Variants in PPP2R5E observed in about 807,000 individuals in gnomAD.
PPP2R5E encodes serine/threonine-protein phosphatase 2A 56 kDa regulatory subunit epsilon isoform.
In PPP2R5E, 4 loss-of-function variants were observed where a neutral mutation model predicts 65.3. The observed-to-expected ratio is 0.06, with a 90% CI of 0.03 to 0.14. The LOEUF (loss-of-function observed/expected upper bound fraction) is 0.14, where lower values mean the gene tolerates loss of function less well. Ranked by LOEUF, PPP2R5E falls within the 10% of genes least tolerant of loss-of-function variation. The probability of loss-of-function intolerance (pLI) is 1.00; values close to 1 mark genes in which losing one functional copy is unlikely to be tolerated. For missense variants in PPP2R5E, 274 were observed against 556.1 expected, an observed-to-expected ratio of 0.49 and a Z score of 5.10; for synonymous variants, 183 against 187.4, an observed-to-expected ratio of 0.98 and a Z score of 0.19.
rs182464337 is a variant in PPP2R5E at position 63,393,015 on chromosome 14, T to A, written c.849+805A>T. Among the ~76,000 whole-genome samples the A allele has an allele frequency of 4.3e-3, 651 of 151,384 alleles. 2 individuals are homozygous for A. The highest frequency in any genetic ancestry group is 7.1e-3 in the Non-Finnish European group (479 of 67,860). The stretch of plus-strand genomic sequence containing the variant: ...ATGAAGGCTTAAAGGAAAAAAAAAA[T>A]GTGAAAATACTGATTGATTTGTTTA... On this transcript the variant is annotated intron_variant, in intron 8 of 13. Coordinates refer to ENST00000337537, the MANE Select transcript of PPP2R5E (RefSeq NM_006246.5).
intron 2 of PPP2R5E, among the ~76,000 whole-genome samples, chr14:63,509,162 T>C (rs1471620844): frequency 3.3e-5 from 5 of 151,958 alleles, no homozygotes; most frequent in Non-Finnish European, 7.4e-5. Flanking sequence ...AGACTGCAAA[T>C]ATTTCCATTA....
In PPP2R5E at chr14:63,453,745, T is replaced by G; in HGVS notation, c.298A>C (p.Ile100Leu). ...RSTLNELVDY[I>L]TISRGCLTEQ... is the part of the protein sequence containing the mutation. ...GTCAAACAGCCTCTGCTTATTGTAA[T>G]GTAGTCCACCAGTTCATTAAGAGTG... Residue 100 changes from isoleucine (I) to leucine (L), a missense_variant, in exon 3 of 14, where the codon ATT becomes CTT. Coordinates refer to ENST00000337537, the MANE Select transcript of PPP2R5E (RefSeq NM_006246.5). 1 of 1,613,902 alleles carries G rather than the reference T, an allele frequency of 6.2e-7. No homozygotes were observed. Among genetic ancestry groups the G allele is most frequent in the Admixed American group, 1.7e-5 (1 of 59,936 alleles).
At chr14:63,457,796 C>T (rs1296468109) in intron 2 of PPP2R5E, among the ~76,000 whole-genome samples, 2 of 151,824 alleles carry the variant, frequency 1.3e-5, no homozygotes, top group Non-Finnish European at 2.9e-5. Context: ...ATAATTGATC[C>T]CATTATCACA....
chr14:63,439,354 GT>G (rs529162433), intron 3 of PPP2R5E, among the ~76,000 whole-genome samples: 64 of 142,868 alleles, frequency 4.5e-4, no homozygotes, highest in South Asian at 1.6e-3. Context: ...GTCCTGGTCT[GT>G]TTTTTTTTTT....
chr14:63,507,753 AT>A (rs370376968), intron 2 of PPP2R5E, among the ~76,000 whole-genome samples: 20,403 of 151,516 alleles, frequency 0.13, 1,497 homozygotes, highest in African/African-American at 0.17. Context: ...AATTTTTTGT[AT>A]TTTTTAGTAG....
At chr14:63,397,939 G>A (rs1352448157) in intron 5 of PPP2R5E, among the ~76,000 whole-genome samples, 2 of 152,130 alleles carry the variant, frequency 1.3e-5, no homozygotes, top group African/African-American at 4.8e-5. Context: ...ATATTGGTCA[G>A]GCTAGTCTCA....
intron 2 of PPP2R5E, among the ~76,000 whole-genome samples, chr14:63,470,828 CAA>C (rs35728680): frequency 0.059 from 4,216 of 71,838 alleles, 168 homozygotes; most frequent in African/African-American, 0.17. Context: ...TCCGTCTCTA[CAA>C]AAAAAAAAAA....
chr14:63,498,163 A>G (rs185230569), intron 2 of PPP2R5E, among the ~76,000 whole-genome samples: 14 of 152,304 alleles, frequency 9.2e-5, no homozygotes, highest in African/African-American at 2.6e-4. Context: ...CCAAGTCTTG[A>G]GGGATTTTTA....
chr14:63,510,238 A>G (rs1434405824), intron 2 of PPP2R5E, among the ~76,000 whole-genome samples: 1 of 152,228 alleles, frequency 6.6e-6, no homozygotes, highest in Non-Finnish European at 1.5e-5. Context: ...ACAATGGGAC[A>G]CAGACCTCAC....
At chr14:63,396,761 A>C (rs1482698957) in intron 5 of PPP2R5E, 45 bp from the exon 6 acceptor site, 1 of 1,594,778 alleles carries the variant, frequency 6.3e-7, no homozygotes, top group South Asian at 1.1e-5. Flanking sequence ...GCGGTTTCAG[A>C]AAAGGATTTA....
intron 2 of PPP2R5E, among the ~76,000 whole-genome samples, chr14:63,486,731 G>C (rs953301826): frequency 6.6e-6 from 1 of 152,032 alleles, no homozygotes; most frequent in Non-Finnish European, 1.5e-5. Context: ...CTGTGGCTCA[G>C]CTAATCCCAT....
rs1566660786 is a variant in PPP2R5E at position 63,379,850 on chromosome 14, T to TG, written c.1304+2205_1304+2206insC. 3.8e-4 allele frequency among the ~76,000 whole-genome samples: 54 copies of TG among 143,136 alleles called. 1 individual carries two copies. The highest frequency in any genetic ancestry group is 3.4e-3 in the Middle Eastern group (1 of 290). 93.9% of individuals were successfully genotyped at this position (143,136 alleles called of 152,430 possible). A position where few individuals can be genotyped will look rare whatever the true frequency, so the allele number is the denominator to read the frequency against. On this transcript the variant is annotated intron_variant, in intron 13 of 13. Transcript: ENST00000337537. Reference sequence around the variant, plus strand: ...TCTTTTTTTTTTTTTTTTTTTTTTTTTTGAGACAGAGTCTCACTCCAATGT... The same window carrying TG: ...TCTTTTTTTTTTTTTTTTTTTTTTTTGTTGAGACAGAGTCTCACTCCAATGT...
At chr14:63,469,475 G>A (rs1285084615) in intron 2 of PPP2R5E, among the ~76,000 whole-genome samples, 2 of 152,150 alleles carry the variant, frequency 1.3e-5, no homozygotes, top group Non-Finnish European at 2.9e-5. Context: ...GGCTGATCAC[G>A]AGGTCAGGAG....
chr14:63,500,572 T>C (rs1282577926), intron 2 of PPP2R5E, among the ~76,000 whole-genome samples: 1 of 152,020 alleles, frequency 6.6e-6, no homozygotes, highest in Non-Finnish European at 1.5e-5. Context: ...ATGAACCAAT[T>C]AGAAATATGA....
At chr14:63,381,604 G>C (rs1884362050) in intron 13 of PPP2R5E, among the ~76,000 whole-genome samples, 1 of 152,208 alleles carries the variant, frequency 6.6e-6, no homozygotes, top group Non-Finnish European at 1.5e-5. Flanking sequence ...TAAAGACACA[G>C]TTAATAAGTG....
At chr14:63,466,290 C>T (rs1235400993) in intron 2 of PPP2R5E, among the ~76,000 whole-genome samples, 3 of 110,062 alleles carry the variant, frequency 2.7e-5, no homozygotes, top group Non-Finnish European at 5.7e-5. Context: ...AAAAAAACAA[C>T]AACAAGAGTC....
At chr14:63,433,838 G>A (rs1458776043) in intron 3 of PPP2R5E, among the ~76,000 whole-genome samples, 1 of 152,158 alleles carries the variant, frequency 6.6e-6, no homozygotes, top group Non-Finnish European at 1.5e-5. Flanking sequence ...TTATCTTTCT[G>A]AAGTTCCTCG....
intron 3 of PPP2R5E, among the ~76,000 whole-genome samples, chr14:63,432,326 T>C (rs1263028867): frequency 2.0e-5 from 3 of 152,220 alleles, no homozygotes; most frequent in Non-Finnish European, 2.9e-5. Context: ...ATAATTGTTA[T>C]GATGAATTGG....
At chr14:63,384,937 G>A (rs989727377) in intron 11 of PPP2R5E, among the ~76,000 whole-genome samples, 2 of 151,986 alleles carry the variant, frequency 1.3e-5, no homozygotes, top group South Asian at 2.1e-4. Flanking sequence ...CTCGTGATCC[G>A]CCCACCTCAG....
Sources: allele counts gnomAD v4.1 joint callset (sites outside exome capture counted in the v4.1 genomes callset), GRCh38; gene constraint gnomAD v4.1.1; transcripts MANE v1.5; gene names NCBI Gene and HGNC (gene_info 2026-07-23, HGNC 2026-07-21).